Variants in STK39 observed in about 807,000 individuals in gnomAD.
The protein encoded by STK39 is STE20/SPS1-related proline-alanine-rich protein kinase.
STK39 carries 20 observed loss-of-function variants against 77.8 expected under a neutral mutation model. The observed-to-expected ratio is 0.26, with a 90% CI of 0.18 to 0.37. The LOEUF is 0.37. Ranked by LOEUF, STK39 falls within the 10% of genes least tolerant of loss-of-function variation. STK39 has a pLI of 1.00. For synonymous variants in STK39, 246 were observed against 234.1 expected (o/e 1.05, Z -0.47); for missense variants, 479 against 656.5 (o/e 0.73, Z 2.95).
Position 168,247,506 on chromosome 2 carries a change from C to A in STK39, c.-71G>T. 2 of 1,166,650 alleles carry A rather than the reference C, an allele frequency of 1.7e-6. No homozygotes were observed. The highest frequency in any genetic ancestry group is 3.6e-5 in the Admixed American group (1 of 27,878). The allele number at this position is 1,166,650 out of a possible 1,614,324, so 72.3% of individuals were successfully genotyped here. ...CTTCCACTTGAAACTTCCTTTGCCT[C>A]GCCGCCGACACCTCTCGGCCGGCGC... On this transcript the variant is annotated 5_prime_UTR_variant, in exon 1 of 18. Coordinates refer to ENST00000355999, the MANE Select transcript of STK39 (RefSeq NM_013233.3).
Position 167,955,570 on chromosome 2 carries a change from C to A in STK39, c.1564G>T (p.Ala522Ser), listed in dbSNP as rs779099780. Residue 522 changes from alanine (A) to serine (S), a missense_variant and splice_region_variant, in exon 18 of 18, where the codon GCT (alanine) becomes TCT (serine). Ala to Ser is a moderately conservative substitution (Grantham distance 99, BLOSUM62 1). Transcript: ENST00000355999. ...ATCTCCGACCCATCACAGCCAGAAGCCTGAAAAGGGAAAAAGAAAGCCTCA... is the reference window on the plus strand; with the variant it reads ...ATCTCCGACCCATCACAGCCAGAAGACTGAAAAGGGAAAAAGAAAGCCTCA... ...KALKTLTFKLASGCDGSEIPD... is the reference protein window; with the variant it reads ...KALKTLTFKLSSGCDGSEIPD... 32 of 1,613,116 alleles carry A rather than the reference C, an allele frequency of 2.0e-5. No individual in the cohort carries two copies. Among genetic ancestry groups the A allele is most frequent in the Non-Finnish European group, 2.4e-5 (28 of 1,179,622 alleles).
intron 16 of STK39, among the ~76,000 whole-genome samples, chr2:167,965,641 A>G (rs1045388108): frequency 1.7e-4 from 26 of 152,220 alleles, no homozygotes; most frequent in Admixed American, 1.5e-3. Context: ...TGCTTAGGGA[A>G]GGAGAAGTTA....
intron 16 of STK39, among the ~76,000 whole-genome samples, chr2:167,987,866 A>C (rs1380636313): frequency 1.3e-5 from 2 of 152,254 alleles, no homozygotes; most frequent in African/African-American, 4.8e-5. Flanking sequence ...CAGAATAAAT[A>C]AAACTATTAT....
intron 5 of STK39, among the ~76,000 whole-genome samples, chr2:168,144,208 G>C (rs1688072144): frequency 6.6e-6 from 1 of 152,160 alleles, no homozygotes; most frequent in Non-Finnish European, 1.5e-5. Flanking sequence ...ACAGTGATTA[G>C]GCCTAAGGCT....
At chr2:167,955,872 A>G (rs891029679) in intron 17 of STK39, among the ~76,000 whole-genome samples, 2 of 152,236 alleles carry the variant, frequency 1.3e-5, no homozygotes, top group African/African-American at 4.8e-5. Flanking sequence ...CCTGCTAAGA[A>G]ACCACAAACA....
intron 17 of STK39, among the ~76,000 whole-genome samples, chr2:167,959,247 G>A (rs923183642): frequency 6.6e-6 from 1 of 151,646 alleles, no homozygotes; most frequent in East Asian, 1.9e-4. Flanking sequence ...GCCTCTCGAG[G>A]AGCTGGGACT....
At chr2:168,206,445 C>T (rs1478522198) in intron 1 of STK39, among the ~76,000 whole-genome samples, 2 of 152,042 alleles carry the variant, frequency 1.3e-5, no homozygotes, top group African/African-American at 4.8e-5. Context: ...GGATTACAAG[C>T]GTCCGCCACC....
rs10611769 is a variant in STK39 at position 168,169,631 on chromosome 2, C to CGTGTGTGTGTGTGTGTGTGTGT, written c.322-2246_322-2225dup. On this transcript the variant is annotated intron_variant, in intron 2 of 17. Coordinates refer to ENST00000355999, the MANE Select transcript of STK39 (RefSeq NM_013233.3). Reference sequence around the variant, plus strand: ...TCAGGTTCTCTGACTTTGCAGTGAGCGTGTGTGTGTGTGTGTGTGTGTGTG... The same window carrying CGTGTGTGTGTGTGTGTGTGTGT: ...TCAGGTTCTCTGACTTTGCAGTGAGCGTGTGTGTGTGTGTGTGTGTGTGTGTGTGTGTGTGTGTGTGTGTGTG... 5.9e-3 allele frequency among the ~76,000 whole-genome samples: 856 copies of CGTGTGTGTGTGTGTGTGTGTGT among 145,874 alleles called. 13 individuals are homozygous for CGTGTGTGTGTGTGTGTGTGTGT. Among genetic ancestry groups the CGTGTGTGTGTGTGTGTGTGTGT allele is most frequent in the African/African-American group, 7.7e-3 (301 of 39,332 alleles).
At chr2:168,033,774 T>C (rs1684884377) in intron 14 of STK39, among the ~76,000 whole-genome samples, 1 of 152,158 alleles carries the variant, frequency 6.6e-6, no homozygotes, top group Admixed American at 6.5e-5. Context: ...GGAGATAACA[T>C]TCTGGAGTTT....
intron 15 of STK39, 82 bp from the exon 16 acceptor site, chr2:168,012,784 T>A: frequency 5.3e-6 from 6 of 1,142,842 alleles, no homozygotes; most frequent in Non-Finnish European, 7.2e-6. Flanking sequence ...TATATATTTT[T>A]CATTTACTAA....
intron 10 of STK39, among the ~76,000 whole-genome samples, chr2:168,082,429 A>G (rs958206533): frequency 6.6e-6 from 1 of 152,188 alleles, no homozygotes; most frequent in South Asian, 2.1e-4. Context: ...TAGGCCACCA[A>G]TGCTATTCTC....
intron 16 of STK39, among the ~76,000 whole-genome samples, chr2:167,989,518 G>C (rs914028863): frequency 2.0e-5 from 3 of 152,166 alleles, no homozygotes; most frequent in African/African-American, 7.2e-5. Context: ...TGCTGGAAGA[G>C]AGCTGGTAAA....
In STK39 at chr2:168,097,437, T is replaced by C. The variant is rs575639720; in HGVS notation, c.1090-22206A>G. Among the ~76,000 whole-genome samples, 25 of 152,212 alleles carry C rather than the reference T, an allele frequency of 1.6e-4. No individual in the cohort carries two copies. The South Asian group carries it at 4.8e-3, about 29-fold the overall frequency. ...ATTCCAGGTGTTCAACTGAGACTAG[T>C]AGAATGGCTGGGCATGGTGGTTCAC... On this transcript the variant is annotated intron_variant, in intron 10 of 17. Transcript: ENST00000355999.
At chr2:168,095,589 G>A (rs1484956161) in intron 10 of STK39, among the ~76,000 whole-genome samples, 1 of 149,832 alleles carries the variant, frequency 6.7e-6, no homozygotes, top group Non-Finnish European at 1.5e-5. Flanking sequence ...TCAAAAGCCT[G>A]CGCTGAATCT....
intron 1 of STK39, among the ~76,000 whole-genome samples, chr2:168,222,826 C>A (rs1690208657): frequency 6.6e-6 from 1 of 152,168 alleles, no homozygotes; most frequent in Admixed American, 6.5e-5. Flanking sequence ...AGAGACTTCA[C>A]ACATTGAGTT....
intron 10 of STK39, among the ~76,000 whole-genome samples, chr2:168,120,524 C>A (rs1687378809): frequency 6.6e-6 from 1 of 152,236 alleles, no homozygotes; most frequent in Admixed American, 6.5e-5. Flanking sequence ...CTACTGGTAG[C>A]AGTGGTTGTA....
At chr2:168,062,959 AC>A (rs1685700178) in intron 14 of STK39, among the ~76,000 whole-genome samples, 1 of 152,206 alleles carries the variant, frequency 6.6e-6, no homozygotes, top group Admixed American at 6.5e-5. Context: ...GCTTTCATTC[AC>A]ACTACTGCAG....
intron 2 of STK39, among the ~76,000 whole-genome samples, chr2:168,175,120 C>G (rs1043976800): frequency 6.6e-6 from 1 of 152,132 alleles, no homozygotes; most frequent in African/African-American, 2.4e-5. Context: ...ATTCCACAGC[C>G]CTCCTTTTTC....
At chr2:168,146,795 A>G (rs1263785703) in intron 5 of STK39, among the ~76,000 whole-genome samples, 1 of 152,216 alleles carries the variant, frequency 6.6e-6, no homozygotes. Context: ...CCACAACCAT[A>G]GCCCAGGAGC....
Sources: gnomAD v4.1 joint callset for allele counts (sites outside exome capture counted in the v4.1 genomes callset) on GRCh38, gnomAD v4.1.1 for gene constraint, MANE v1.5 for transcripts, NCBI Gene and HGNC (gene_info 2026-07-23, HGNC 2026-07-21) for gene names.